LINGO2: variants seen among roughly 807,000 people sequenced by gnomAD.
LINGO2 encodes the protein leucine rich repeat and Ig domain containing 2.
In LINGO2, 14 loss-of-function variants were observed where a neutral mutation model predicts 30.6. That is an observed-to-expected ratio of 0.46 (90% CI 0.30 to 0.72). The LOEUF is 0.72. LINGO2 is among the 30% of genes least tolerant of loss of function. LINGO2 has a pLI of 0.07. For missense variants in LINGO2, 729 were observed against 751.7 expected, an observed-to-expected ratio of 0.97 and a Z score of 0.35; for synonymous variants, 317 against 288.5, an observed-to-expected ratio of 1.10 and a Z score of -1.00.
chr9:28,082,343 T>C (rs1825794874), intron 4 of LINGO2, among the ~76,000 whole-genome samples: 1 of 152,190 alleles, frequency 6.6e-6, no homozygotes, highest in Non-Finnish European at 1.5e-5. Context: ...CTAAACTCAG[T>C]ACAAAATTTT....
intron 5 of LINGO2, among the ~76,000 whole-genome samples, chr9:28,004,502 T>C (rs1822158685): frequency 6.6e-6 from 1 of 152,230 alleles, no homozygotes; most frequent in Non-Finnish European, 1.5e-5. Context: ...AGCCAGTTTG[T>C]CACATAGGTT....
chr9:29,151,256 A>T, the LINGO2 span, among the ~76,000 whole-genome samples: 5 of 152,346 alleles, frequency 3.3e-5, no homozygotes, highest in Middle Eastern at 3.4e-3. Context: ...AAGGTCTTTA[A>T]GAGAGTGCTA....
At chr9:28,400,812 G>C (rs776605553) in intron 2 of LINGO2, among the ~76,000 whole-genome samples, 5 of 152,196 alleles carry the variant, frequency 3.3e-5, no homozygotes, top group Non-Finnish European at 7.3e-5. Flanking sequence ...AAGGTAAAGG[G>C]AGCATGTAAG....
chr9:28,893,004 T>C, the LINGO2 span, among the ~76,000 whole-genome samples: 1 of 152,052 alleles, frequency 6.6e-6, no homozygotes, highest in Admixed American at 6.6e-5. Flanking sequence ...AAATGCTTTA[T>C]GCACCTCTAC....
chr9:29,110,544 G>C, the LINGO2 span, among the ~76,000 whole-genome samples: 1 of 151,740 alleles, frequency 6.6e-6, no homozygotes, highest in South Asian at 2.1e-4. Flanking sequence ...GTGTTAGCCA[G>C]GATGATCTTG....
intron 5 of LINGO2, among the ~76,000 whole-genome samples, chr9:27,954,972 G>A (rs761744767): frequency 2.4e-4 from 36 of 152,056 alleles, no homozygotes; most frequent in Non-Finnish European, 4.4e-4. Flanking sequence ...CTCTCAATGT[G>A]GTTTTGATTT....
chr9:28,822,966 AG>A, the LINGO2 span, among the ~76,000 whole-genome samples: 1 of 152,196 alleles, frequency 6.6e-6, no homozygotes, highest in East Asian at 1.9e-4. Context: ...GTTAATACCC[AG>A]CAGCTTTTGG....
At chr9:28,359,696 C>T (rs1384510113) in intron 3 of LINGO2, among the ~76,000 whole-genome samples, 2 of 152,100 alleles carry the variant, frequency 1.3e-5, no homozygotes, top group East Asian at 3.9e-4. Context: ...CACTGAGAAA[C>T]AAAAGACACA....
the LINGO2 span, among the ~76,000 whole-genome samples, chr9:29,038,942 T>C: frequency 1.3e-5 from 2 of 152,160 alleles, no homozygotes; most frequent in Non-Finnish European, 2.9e-5. Context: ...GGAATTCTCT[T>C]GTCATTGCTC....
chr9:28,156,781 G>A (rs1158950395), intron 4 of LINGO2, among the ~76,000 whole-genome samples: 1 of 152,196 alleles, frequency 6.6e-6, no homozygotes, highest in East Asian at 1.9e-4. Flanking sequence ...CAAAACAAAG[G>A]GGCCACAGGC....
intron 4 of LINGO2, among the ~76,000 whole-genome samples, chr9:28,207,871 G>GTT (rs533449228): frequency 1.3e-5 from 2 of 148,614 alleles, no homozygotes; most frequent in East Asian, 2.0e-4. Context: ...GAAAGAGGGT[G>GTT]TTTTTTTTTT....
chr9:28,934,906 T>C, the LINGO2 span, among the ~76,000 whole-genome samples: 2 of 152,144 alleles, frequency 1.3e-5, no homozygotes, highest in Non-Finnish European at 2.9e-5. Flanking sequence ...AACAGTGCTG[T>C]CCATTTAAAT....
chr9:28,942,464 T>G, the LINGO2 span, among the ~76,000 whole-genome samples: 1 of 152,200 alleles, frequency 6.6e-6, no homozygotes, highest in African/African-American at 2.4e-5. Context: ...AATGGCTGAC[T>G]GCATGGGCCA....
intron 5 of LINGO2, among the ~76,000 whole-genome samples, chr9:27,980,263 T>C (rs1354233798): frequency 6.6e-6 from 1 of 151,930 alleles, no homozygotes; most frequent in Non-Finnish European, 1.5e-5. Flanking sequence ...GCTAAGTGCC[T>C]TTCTATGCCA....
chr9:29,018,910 G>C, the LINGO2 span, among the ~76,000 whole-genome samples: 3 of 152,082 alleles, frequency 2.0e-5, no homozygotes, highest in Admixed American at 1.3e-4. Flanking sequence ...GGTGGGGCTG[G>C]TATGAGCAAA....
Position 28,357,316 on chromosome 9 carries a change from C to CCT in LINGO2, c.-246+15519_-246+15520insAG, listed in dbSNP as rs1554710532. Among the ~76,000 whole-genome samples, 5 of 28,748 alleles carry CCT rather than the reference C, an allele frequency of 1.7e-4. 1 individual carries two copies. In the East Asian group the frequency reaches 7.5e-3, roughly 43 times the overall value. 18.9% of individuals were successfully genotyped at this position (28,748 alleles called of 152,430 possible). ...AAGTCTTTCAGATACAGAAATAAAGCCCACCCCCCCCAAAAAAGAAAGCAC... is the reference window on the plus strand; with the variant it reads ...AAGTCTTTCAGATACAGAAATAAAGCCTCCACCCCCCCCAAAAAAGAAAGCAC... On this transcript the variant is annotated intron_variant, in intron 3 of 5. Coordinates refer to ENST00000379992, the Ensembl canonical transcript of LINGO2.
chr9:29,039,877 G>C, the LINGO2 span, among the ~76,000 whole-genome samples: 7 of 152,070 alleles, frequency 4.6e-5, no homozygotes, highest in East Asian at 1.3e-3. Context: ...AAAATGCATA[G>C]TAATTATTGG....
At chr9:29,053,687 C>T in the LINGO2 span, among the ~76,000 whole-genome samples, 1 of 151,934 alleles carries the variant, frequency 6.6e-6, no homozygotes, top group African/African-American at 2.4e-5. Context: ...TTGTGGAGTA[C>T]CAATTATTAC....
At chr9:28,541,003 T>G (rs76174703) in intron 1 of LINGO2, among the ~76,000 whole-genome samples, 2,202 of 152,284 alleles carry the variant, frequency 0.014, 45 homozygotes, top group East Asian at 0.096. Flanking sequence ...CCAATATACT[T>G]GTTAGAATAA....
Sources: allele counts gnomAD v4.1 joint callset (sites outside exome capture counted in the v4.1 genomes callset), GRCh38; gene constraint gnomAD v4.1.1; transcripts MANE v1.5; gene names NCBI Gene and HGNC (gene_info 2026-07-23, HGNC 2026-07-21).